The following DMD variants were observed in gnomAD, a reference collection of about 807,000 sequenced individuals.
The protein encoded by DMD is mutant dystrophin.
Under a neutral mutation model 330.1 loss-of-function variants are expected in DMD, and 63 were observed. The observed-to-expected ratio is 0.19, with a 90% confidence interval of 0.16 to 0.24. The LOEUF is 0.24. Ranked by LOEUF, DMD falls within the 10% of genes least tolerant of loss-of-function variation. The pLI, the probability that DMD is intolerant of heterozygous loss-of-function variation, is 1.00. For missense variants in DMD, 3,344 were observed against 2,684.1 expected (o/e 1.25, Z -5.43); for synonymous variants, 1,223 against 959.8 (o/e 1.27, Z -5.07).
intron 44 of DMD, among the ~76,000 whole-genome samples, chrX:32,107,603 G>A (rs1040483956): frequency 5.4e-5 from 6 of 110,263 alleles, no homozygotes; most frequent in African/African-American, 1.3e-4. Context: ...GAAGGCAGTC[G>A]GGCAGAACGA....
rs145185752 is a variant in DMD, at chrX:32,482,205, C to A, written c.2803+2714G>T. 2.6e-3 allele frequency among the ~76,000 whole-genome samples: 289 copies of A among 111,599 alleles called. 1 individual carries two copies. The highest frequency in any genetic ancestry group is 4.1e-3 in the Non-Finnish European group (219 of 52,939). ...TGTTGAAACAATTATCTACAACAGA[C>A]TAGATGCTGTGTTTCTATATTCATC... is the stretch of plus-strand genomic sequence containing the variant. On this transcript the variant is annotated intron_variant, in intron 21 of 78. Transcript: ENST00000357033.
At chrX:32,815,520 T>TATATATACACACACACACAC in intron 6 of DMD, among the ~76,000 whole-genome samples, 6 of 78,959 alleles carry the variant, frequency 7.6e-5, no homozygotes, top group African/African-American at 3.2e-4. Flanking sequence ...TATATATATA[T>TATATATACACACACACACAC]ACACACACAC....
At chrX:31,273,664 C>T (rs181689952) in intron 62 of DMD, among the ~76,000 whole-genome samples, 5 of 111,022 alleles carry the variant, frequency 4.5e-5, no homozygotes, top group African/African-American at 1.3e-4. Context: ...ATGAAGACAC[C>T]AGCGTTTTTC....
intron 1 of DMD, among the ~76,000 whole-genome samples, chrX:33,064,428 C>T (rs1040487507): frequency 9.0e-6 from 1 of 111,377 alleles, no homozygotes. Flanking sequence ...TCCAAGAAAA[C>T]TATTTAACTA....
chrX:31,132,711 G>A (rs1311160438), intron 77 of DMD, among the ~76,000 whole-genome samples: 1 of 110,958 alleles, frequency 9.0e-6, no homozygotes, highest in Non-Finnish European at 1.9e-5. Context: ...CCACTGGTAC[G>A]TAGTAGGTGC....
At chrX:33,225,021 C>CA (rs374576911) in intron 1 of DMD, among the ~76,000 whole-genome samples, 3 of 109,999 alleles carry the variant, frequency 2.7e-5, no homozygotes, top group Non-Finnish European at 3.8e-5. Context: ...ATGGTGAAAG[C>CA]AAAAAAAAGT....
chrX:32,066,764 G>A (rs546902398), intron 44 of DMD, among the ~76,000 whole-genome samples: 7 of 111,566 alleles, frequency 6.3e-5, no homozygotes, highest in Middle Eastern at 9.2e-3. Context: ...TATGGTGACT[G>A]GAATTACTTC....
chrX:31,217,123 A>C lies in DMD; in HGVS notation c.9361+5924T>G, dbSNP rs60458162. Reference sequence around the variant, plus strand: ...CCTCACACCTGTAGAATGTCATCAGAACTACAAAGGGAGAAAGAAAATGCT... The same window carrying C: ...CCTCACACCTGTAGAATGTCATCAGCACTACAAAGGGAGAAAGAAAATGCT... On this transcript the variant is annotated intron_variant, in intron 64 of 78. Transcript: ENST00000357033. Among the ~76,000 whole-genome samples, 294 of 81,368 alleles carry C rather than the reference A, an allele frequency of 3.6e-3. 2 individuals are homozygous for C. Among genetic ancestry groups the C allele is most frequent in the African/African-American group, 0.016 (288 of 17,589 alleles). The allele number at this position is 81,368 out of a possible 115,157, so 70.7% of individuals were successfully genotyped here. A position where few individuals can be genotyped will look rare whatever the true frequency, so the allele number is the denominator to read the frequency against.
intron 20 of DMD, 64 bp from the exon 21 acceptor site, chrX:32,485,163 G>C (rs2042292520): frequency 9.1e-7 from 1 of 1,103,783 alleles, no homozygotes; most frequent in South Asian, 1.9e-5. Flanking sequence ...TTTTGCAAAA[G>C]AAGGTATTAA....
At position 32,457,358 on chromosome X, in the gene DMD, A is replaced by C. The variant is rs182197527; in HGVS notation, c.3433-2526T>G. On this transcript the variant is annotated intron_variant, in intron 25 of 78. Coordinates refer to ENST00000357033, the MANE Select transcript of DMD (RefSeq NM_004006.3). ...GAGAAAGGAATGTCTGTAAAGGGAAACGGGAATGGAGAGGTTGCTAGAGAG... is the reference window on the plus strand; with the variant it reads ...GAGAAAGGAATGTCTGTAAAGGGAACCGGGAATGGAGAGGTTGCTAGAGAG... 7.1e-4 allele frequency among the ~76,000 whole-genome samples: 79 copies of C among 111,055 alleles called. 2 individuals are homozygous for C. The East Asian group carries it at 0.021, about 30-fold the overall frequency.
intron 44 of DMD, among the ~76,000 whole-genome samples, chrX:32,068,622 C>G (rs1003266466): frequency 9.1e-6 from 1 of 110,029 alleles, no homozygotes; most frequent in Non-Finnish European, 1.9e-5. Flanking sequence ...TCTATGTGTA[C>G]ATGACATCTT....
At position 33,225,003 on chromosome X, in the gene DMD, G is replaced by A. The variant is rs768733543; in HGVS notation, c.7+114256C>T. On this transcript the variant is annotated intron_variant, in intron 1 of 17. Coordinates refer to the DMD transcript ENST00000288447. The stretch of plus-strand genomic sequence containing the variant: ...ATTAAATATAAATCTAACAAGCCAT[G>A]TACTTACATGGTGAAAGCAAAAAAA... 3.6e-5 allele frequency among the ~76,000 whole-genome samples: 4 copies of A among 111,569 alleles called. No individual in the cohort carries two copies. The South Asian group carries it at 1.5e-3, about 41-fold the overall frequency.
At chrX:32,663,306 A>T (rs958670370) in intron 9 of DMD, among the ~76,000 whole-genome samples, 1 of 111,806 alleles carries the variant, frequency 8.9e-6, no homozygotes, top group African/African-American at 3.2e-5. Context: ...TGTTATATCC[A>T]TTATTATTTT....
intron 44 of DMD, among the ~76,000 whole-genome samples, chrX:32,117,455 C>T (rs1049253131): frequency 8.9e-6 from 1 of 112,098 alleles, no homozygotes; most frequent in South Asian, 3.8e-4. Context: ...GAAGGACAAG[C>T]CTCCCTAGTT....
chrX:31,831,838 G>A (rs1263410332), intron 49 of DMD, among the ~76,000 whole-genome samples: 41 of 112,465 alleles, frequency 3.6e-4, no homozygotes, highest in South Asian at 7.4e-4. Context: ...TCCTGACTTT[G>A]TGATCCGCCC....
At chrX:32,761,085 AAAT>A (rs1286332434) in intron 7 of DMD, among the ~76,000 whole-genome samples, 14 of 111,872 alleles carry the variant, frequency 1.3e-4, no homozygotes. Flanking sequence ...GACTACACTT[AAAT>A]GTTATCAACT....
intron 57 of DMD, among the ~76,000 whole-genome samples, chrX:31,480,478 T>C (rs1341128984): frequency 9.1e-6 from 1 of 110,296 alleles, no homozygotes; most frequent in Non-Finnish European, 1.9e-5. Flanking sequence ...CCTAAAATCA[T>C]GCTAGATACG....
intron 17 of DMD, among the ~76,000 whole-genome samples, chrX:32,518,357 A>G (rs1023141406): frequency 3.6e-5 from 4 of 110,595 alleles, no homozygotes; most frequent in Admixed American, 1.9e-4. Flanking sequence ...ATTCACCTCA[A>G]TGTAAAAATC....
chrX:32,082,391 G>GCTATCTAT (rs74475298), intron 44 of DMD, among the ~76,000 whole-genome samples: 5,359 of 95,245 alleles, frequency 0.056, 144 homozygotes, highest in Middle Eastern at 0.067. Context: ...ACCTCGCCCG[G>GCTATCTAT]CTATCTATCT....
Sources: allele counts gnomAD v4.1 joint callset (sites outside exome capture counted in the v4.1 genomes callset), GRCh38; gene constraint gnomAD v4.1.1; transcripts MANE v1.5; gene names NCBI Gene and HGNC (gene_info 2026-07-23, HGNC 2026-07-21).